Variants in PCDHGA12 observed in about 807,000 individuals in gnomAD.
PCDHGA12 encodes the protein protocadherin gamma subfamily A, 12.
A neutral mutation model predicts 61.1 loss-of-function variants in PCDHGA12; 43 were observed. That is an observed-to-expected ratio of 0.70 (90% CI 0.55 to 0.91). The LOEUF (loss-of-function observed/expected upper bound fraction) is 0.91. Among genes scored for constraint, PCDHGA12 ranks in the 40% least tolerant of loss-of-function variants. PCDHGA12 has a pLI of 0.00. For missense variants in PCDHGA12, 1,236 were observed against 1,227.7 expected (o/e 1.01, Z -0.10); for synonymous variants, 520 against 542.9 (o/e 0.96, Z 0.59).
At chr5:141,465,657 G>T (rs904553709) in intron 1 of PCDHGA12, among the ~76,000 whole-genome samples, 2 of 152,130 alleles carry the variant, frequency 1.3e-5, no homozygotes, top group Non-Finnish European at 2.9e-5. Context: ...CCAAAAAAGC[G>T]CTTGCCATGA....
chr5:141,485,625 G>C lies in PCDHGA12; in HGVS notation c.2425-9182G>C. On this transcript the variant is annotated intron_variant, in intron 1 of 3. Transcript: ENST00000252085. This position sits in a 1 kb window ranked among gnomAD's most constrained non-coding sequence, Gnocchi z 5.7. ...GGGGAGGCAGCTCCTCCAGGACAGC[G>C]TTTCCCGTTGGAAAAGGCTCAGGAT... The C allele has an allele frequency of 6.2e-7, 1 of 1,611,968 alleles. No individual in the cohort carries two copies. Among genetic ancestry groups the C allele is most frequent in the Non-Finnish European group, 8.5e-7 (1 of 1,178,504 alleles).
rs567522277 is a variant in PCDHGA12, at chr5:141,485,131, A to G, written c.2425-9676A>G. 1.3e-6 allele frequency: 2 copies of G among 1,482,660 alleles called. No individual in the cohort carries two copies. The highest frequency in any genetic ancestry group is 1.2e-5 in the South Asian group (1 of 83,730). 91.8% of individuals were successfully genotyped at this position (1,482,660 alleles called of 1,614,324 possible). ...TGGCTGTTTGGGGCGGGTCGGCTTC[A>G]TCCGCGTCTCAGGAGCAAGTAGAGA... On this transcript the variant is annotated intron_variant, in intron 1 of 3. Transcript: ENST00000252085. The surrounding 1 kb of genome is among the most constrained non-coding windows in gnomAD (Gnocchi z 5.7).
At chr5:141,474,212 C>T (rs892802269) in intron 1 of PCDHGA12, among the ~76,000 whole-genome samples, 5 of 152,078 alleles carry the variant, frequency 3.3e-5, no homozygotes, top group African/African-American at 1.2e-4. Flanking sequence ...TTTCAAAAAC[C>T]AGATTGTGAA....
chr5:141,474,579 G>A (rs1340685342), intron 1 of PCDHGA12, among the ~76,000 whole-genome samples: 3 of 152,196 alleles, frequency 2.0e-5, no homozygotes, highest in Non-Finnish European at 4.4e-5. Flanking sequence ...TAATTGAAGT[G>A]TTAAAGACAT....
intron 2 of PCDHGA12, among the ~76,000 whole-genome samples, chr5:141,498,963 GGGAGGGAGGGAAGGAAGGAA>G (rs1472475865): frequency 5.7e-4 from 74 of 129,970 alleles, no homozygotes; most frequent in Non-Finnish European, 2.6e-4. Flanking sequence ...GAGAGAGGGA[GGGAGGGAGGGAAGGAAGGAA>G]GGAAGGAAGG....
chr5:141,477,433 C>T lies in PCDHGA12; in HGVS notation c.2425-17374C>T, dbSNP rs1389102640. On this transcript the variant is annotated intron_variant, in intron 1 of 3. Transcript: ENST00000252085. The surrounding 1 kb of genome is among the most constrained non-coding windows in gnomAD (Gnocchi z 4.9). ...ACGCCGGAACCCCTTCCCTCTCAGCCCTTACAATAGTGCGTGTTCAAGTGT... is the reference window on the plus strand; with the variant it reads ...ACGCCGGAACCCCTTCCCTCTCAGCTCTTACAATAGTGCGTGTTCAAGTGT... 6.2e-7 allele frequency: 1 copy of T among 1,614,048 alleles called. No individual in the cohort carries two copies. The highest frequency in any genetic ancestry group is 2.2e-5 in the East Asian group (1 of 44,892).
At chr5:141,436,394 T>C (rs781428769) in intron 1 of PCDHGA12, among the ~76,000 whole-genome samples, 15 of 152,216 alleles carry the variant, frequency 9.9e-5, no homozygotes, top group Non-Finnish European at 1.9e-4. Flanking sequence ...CTTTATTAAA[T>C]AGTTGTTGAA....
chr5:141,433,299 T>G, intron 1 of PCDHGA12, 116 bp downstream of exon 1: 1 of 995,012 alleles, frequency 1.0e-6, no homozygotes, highest in Non-Finnish European at 1.5e-6. Flanking sequence ...GCTCAAGCAA[T>G]TATCCCACCT....
rs1394486228 is a variant in PCDHGA12 at position 141,433,140 on chromosome 5, C to T, written c.2381C>T (p.Ser794Leu). 2.5e-6 allele frequency: 4 copies of T among 1,613,948 alleles called. No homozygotes were observed. Among genetic ancestry groups the T allele is most frequent in the African/African-American group, 1.3e-5 (1 of 74,890 alleles). Residue 794 changes from serine (S) to leucine (L), a missense_variant, in exon 1 of 4, where the codon TCA (serine) becomes TTA (leucine). Transcript: ENST00000252085. The part of the protein sequence containing the change: ...SFEKSEPLLL[S>L]GDSVFSKDSH... Reference sequence around the variant, plus strand: ...GAAAAAAGCGAGCCCCTTTTGCTGTCAGGTGATTCGGTATTTTCTAAAGAC... The same window carrying T: ...GAAAAAAGCGAGCCCCTTTTGCTGTTAGGTGATTCGGTATTTTCTAAAGAC...
rs377018529 is a variant in PCDHGA12 at position 141,430,745 on chromosome 5, T to C, written c.-15T>C. 1.3e-4 allele frequency: 191 copies of C among 1,499,634 alleles called. No individual in the cohort carries two copies. Among genetic ancestry groups the C allele is most frequent in the Non-Finnish European group, 1.7e-4 (186 of 1,126,108 alleles). The allele number at this position is 1,499,634 out of a possible 1,614,324, so 92.9% of individuals were successfully genotyped here. A position where few individuals can be genotyped will look rare whatever the true frequency, so the allele number is the denominator to read the frequency against. On this transcript the variant is annotated 5_prime_UTR_variant, in exon 1 of 4. Coordinates refer to ENST00000252085, the MANE Select transcript of PCDHGA12 (RefSeq NM_003735.3). ...TTAAGGGCAGAATTGAAAATAATTCTGGAGGAAGATAAGAATGATTCCTGC... is the reference window on the plus strand; with the variant it reads ...TTAAGGGCAGAATTGAAAATAATTCCGGAGGAAGATAAGAATGATTCCTGC...
At chr5:141,437,011 T>C (rs2097858173) in intron 1 of PCDHGA12, among the ~76,000 whole-genome samples, 1 of 152,236 alleles carries the variant, frequency 6.6e-6, no homozygotes, top group Non-Finnish European at 1.5e-5. Flanking sequence ...GGATCTTAGA[T>C]AATTTCACCA....
chr5:141,431,333 C>G lies in PCDHGA12; in HGVS notation c.574C>G (p.Pro192Ala). 1.2e-6 allele frequency: 2 copies of G among 1,614,058 alleles called. No individual in the cohort carries two copies. The highest frequency in any genetic ancestry group is 2.2e-5 in the South Asian group (2 of 91,088). ...VQNGADGSKY[P>A]ELVLKRALDR... Reference sequence around the variant, plus strand: ...AAATGGAGCCGACGGTAGTAAGTACCCCGAATTGGTGCTGAAACGCGCCCT... The same window carrying G: ...AAATGGAGCCGACGGTAGTAAGTACGCCGAATTGGTGCTGAAACGCGCCCT... Residue 192 changes from proline (P) to alanine (A), a missense_variant, in exon 1 of 4, where the codon CCC (proline) becomes GCC (alanine). Physicochemically the swap from Pro to Ala is conservative, Grantham distance 27. Coordinates refer to ENST00000252085, the MANE Select transcript of PCDHGA12 (RefSeq NM_003735.3). The surrounding 1 kb of genome is among the most constrained non-coding windows in gnomAD (Gnocchi z 4.8).
intron 1 of PCDHGA12, among the ~76,000 whole-genome samples, chr5:141,469,671 A>G (rs1285283342): frequency 1.3e-5 from 2 of 152,236 alleles, no homozygotes; most frequent in Non-Finnish European, 2.9e-5. Flanking sequence ...TTCTAATAAA[A>G]CTACATATGC....
In PCDHGA12 at chr5:141,493,026, C is replaced by T. The variant is rs73280358; in HGVS notation, c.2425-1781C>T. 6.6e-6 allele frequency among the ~76,000 whole-genome samples: 1 copy of T among 152,190 alleles called. No individual in the cohort carries two copies. The highest frequency in any genetic ancestry group is 1.5e-5 in the Non-Finnish European group (1 of 68,034). Reference sequence around the variant, plus strand: ...TAGGCTCTGCCAGATGCCAGGGTGCCCTTATGTGTGAGGAAACTACAATAG... The same window carrying T: ...TAGGCTCTGCCAGATGCCAGGGTGCTCTTATGTGTGAGGAAACTACAATAG... On this transcript the variant is annotated intron_variant, in intron 1 of 3. Coordinates refer to ENST00000252085, the MANE Select transcript of PCDHGA12 (RefSeq NM_003735.3). This position sits in a 1 kb window ranked among gnomAD's most constrained non-coding sequence, Gnocchi z 4.3.
In PCDHGA12 at chr5:141,431,211, G is replaced by A. The variant is rs1054638121; in HGVS notation, c.452G>A (p.Arg151Gln). The A allele has an allele frequency of 6.2e-7, 1 of 1,614,004 alleles. No individual in the cohort carries two copies. The highest frequency in any genetic ancestry group is 1.7e-5 in the Admixed American group (1 of 60,006). ...KISENAATEM[R>Q]FPLPHAWDPD... ...AGTGAAAATGCAGCCACTGAGATGC[G>A]GTTCCCTCTACCCCACGCCTGGGAT... The change falls in exon 1 of 4, where the codon CGG becomes CAG. Residue 151 changes from arginine (R) to glutamine (Q), a missense_variant. By Grantham distance (43) the Arg-to-Gln change is conservative. Coordinates refer to ENST00000252085, the MANE Select transcript of PCDHGA12 (RefSeq NM_003735.3). This position sits in a 1 kb window ranked among gnomAD's most constrained non-coding sequence, Gnocchi z 4.8.
intron 1 of PCDHGA12, among the ~76,000 whole-genome samples, chr5:141,488,117 G>A (rs1231303931): frequency 6.6e-6 from 1 of 152,190 alleles, no homozygotes; most frequent in African/African-American, 2.4e-5. Flanking sequence ...GAAACATAGA[G>A]ACAGCAGAAA....
intron 1 of PCDHGA12, chr5:141,478,812 A>C: frequency 1.4e-6 from 2 of 1,453,554 alleles, no homozygotes; most frequent in Non-Finnish European, 1.8e-6. Context: ...TTGCTATCAC[A>C]ACTAACCAAT....
intron 1 of PCDHGA12, among the ~76,000 whole-genome samples, chr5:141,488,600 A>G (rs2099677400): frequency 6.6e-6 from 1 of 152,166 alleles, no homozygotes; most frequent in Admixed American, 6.5e-5. Flanking sequence ...AAGACTTTAC[A>G]AGGTTCTTAC....
At position 141,433,034 on chromosome 5, in the gene PCDHGA12, C is replaced by G. The variant is rs1357694242; in HGVS notation, c.2275C>G (p.Leu759Val). ...FLQTYSHEVSLTTDSRKSHLI... is the reference protein window; with the variant it reads ...FLQTYSHEVSVTTDSRKSHLI... The stretch of plus-strand genomic sequence containing the variant: ...GCAGACCTATTCCCACGAGGTTTCC[C>G]TCACCACGGACTCGCGGAAGAGTCA... Residue 759 changes from leucine to valine, a missense_variant, in exon 1 of 4, where the codon CTC becomes GTC. Coordinates refer to ENST00000252085, the MANE Select transcript of PCDHGA12 (RefSeq NM_003735.3). 1.2e-6 allele frequency: 2 copies of G among 1,614,184 alleles called. No homozygotes were observed. Among genetic ancestry groups the G allele is most frequent in the Non-Finnish European group, 1.7e-6 (2 of 1,180,024 alleles).
Sources: allele counts gnomAD v4.1 joint callset (sites outside exome capture counted in the v4.1 genomes callset), GRCh38; gene constraint gnomAD v4.1.1; non-coding constraint Gnocchi (gnomAD v3.1); transcripts MANE v1.5; gene names NCBI Gene and HGNC (gene_info 2026-07-23, HGNC 2026-07-21).